Variants in DIP2B observed in about 807,000 individuals in gnomAD.
DIP2B encodes DIP2 acetate--CoA ligase B (putative).
Under a neutral mutation model 198.0 loss-of-function variants are expected in DIP2B, and 76 were observed. The observed-to-expected ratio is 0.38, with a 90% confidence interval of 0.32 to 0.46. DIP2B has a LOEUF of 0.46. DIP2B is among the 20% of genes least tolerant of loss of function. The pLI, the probability that DIP2B is intolerant of heterozygous loss-of-function variation, is 0.99. For synonymous variants in DIP2B, 701 were observed against 739.1 expected (o/e 0.95, Z 0.84); for missense variants, 1,559 against 1,978.4 (o/e 0.79, Z 4.02).
At chr12:50,609,778 T>C (rs1459939696) in intron 1 of DIP2B, among the ~76,000 whole-genome samples, 1 of 152,204 alleles carries the variant, frequency 6.6e-6, no homozygotes, top group Non-Finnish European at 1.5e-5. Flanking sequence ...GGACCACTTA[T>C]CTCTCTTCAA....
chr12:50,745,540 C>T lies in DIP2B; in HGVS notation c.*701C>T, dbSNP rs1940330035. Reference sequence around the variant, plus strand: ...TAATTGATTAGGTAACTAAAAAGCGCAAATTGTTGGCAGGTTTTGCTGCAC... The same window carrying T: ...TAATTGATTAGGTAACTAAAAAGCGTAAATTGTTGGCAGGTTTTGCTGCAC... On this transcript the variant is annotated 3_prime_UTR_variant, in exon 38 of 38. Coordinates refer to ENST00000301180, the MANE Select transcript of DIP2B (RefSeq NM_173602.3). 6.6e-6 allele frequency: 1 copy of T among 152,364 alleles called. No individual in the cohort carries two copies. The highest frequency in any genetic ancestry group is 2.4e-5 in the African/African-American group (1 of 41,428). The allele number at this position is 152,364 out of a possible 1,614,324, so 9.4% of individuals were successfully genotyped here.
rs557166414 is a variant in DIP2B at position 50,566,903 on chromosome 12, C to T, written c.101-59073C>T. 1.7e-3 allele frequency among the ~76,000 whole-genome samples: 240 copies of T among 141,324 alleles called. 1 individual carries two copies. The highest frequency in any genetic ancestry group is 5.8e-3 in the African/African-American group (222 of 38,300). The allele number at this position is 141,324 out of a possible 152,430, so 92.7% of individuals were successfully genotyped here. Reference sequence around the variant, plus strand: ...AGGAGAATGGTGTGAACCCCGGAGGCGGAGCTTGCAGTGAGCCGAGATCGC... The same window carrying T: ...AGGAGAATGGTGTGAACCCCGGAGGTGGAGCTTGCAGTGAGCCGAGATCGC... On this transcript the variant is annotated intron_variant, in intron 1 of 37. Transcript: ENST00000301180.
chr12:50,583,937 C>G (rs897052134), intron 1 of DIP2B, among the ~76,000 whole-genome samples: 4 of 152,210 alleles, frequency 2.6e-5, no homozygotes, highest in African/African-American at 9.6e-5. Flanking sequence ...CTGAAACCAT[C>G]CTTGTTGGAA....
At chr12:50,529,436 G>A (rs930449397) in intron 1 of DIP2B, among the ~76,000 whole-genome samples, 2 of 152,222 alleles carry the variant, frequency 1.3e-5, no homozygotes, top group Non-Finnish European at 2.9e-5. Flanking sequence ...ATGGACCAAA[G>A]GAGTTTGGTG....
intron 23 of DIP2B, among the ~76,000 whole-genome samples, chr12:50,714,972 G>C (rs997476177): frequency 6.6e-6 from 1 of 152,190 alleles, no homozygotes; most frequent in Non-Finnish European, 1.5e-5. Flanking sequence ...GGTGTGTTAA[G>C]GCAGCCCGGA....
chr12:50,655,471 T>C (rs928951834), intron 3 of DIP2B, among the ~76,000 whole-genome samples: 9 of 152,218 alleles, frequency 5.9e-5, no homozygotes, highest in Non-Finnish European at 1.2e-4. Context: ...TAACTTTTAA[T>C]CAGCAAGATT....
At chr12:50,675,244 A>G in intron 6 of DIP2B, 85 bp from the exon 7 acceptor site, 1 of 1,516,850 alleles carries the variant, frequency 6.6e-7, no homozygotes, top group Non-Finnish European at 8.9e-7. Context: ...AAACATCCTT[A>G]GAAATAAAAG....
At chr12:50,632,528 T>C (rs2139478122) in intron 2 of DIP2B, among the ~76,000 whole-genome samples, 1 of 149,570 alleles carries the variant, frequency 6.7e-6, no homozygotes, top group Non-Finnish European at 1.5e-5. Context: ...TTTTTATTTA[T>C]TTTTTATTAT....
intron 3 of DIP2B, among the ~76,000 whole-genome samples, chr12:50,657,502 T>G (rs1462508554): frequency 6.6e-6 from 1 of 152,044 alleles, no homozygotes; most frequent in Non-Finnish European, 1.5e-5. Context: ...AAGACATTAT[T>G]TCTGGCTGGG....
In DIP2B at chr12:50,745,745, A is replaced by G. The variant is rs1940332891; in HGVS notation, c.*906A>G. On this transcript the variant is annotated 3_prime_UTR_variant, in exon 38 of 38. Transcript: ENST00000301180. ...ACAAAGCTAAGATTCATCAGAGCCC[A>G]CCCTATTCTAAGGAACCACAATAAC... 6.6e-6 allele frequency: 1 copy of G among 152,616 alleles called. No homozygotes were observed. Among genetic ancestry groups the G allele is most frequent in the African/African-American group, 2.4e-5 (1 of 41,478 alleles). The allele number at this position is 152,616 out of a possible 1,614,324, so 9.5% of individuals were successfully genotyped here.
intron 1 of DIP2B, among the ~76,000 whole-genome samples, chr12:50,532,527 C>T (rs564997790): frequency 6.6e-6 from 1 of 151,920 alleles, no homozygotes; most frequent in Non-Finnish European, 1.5e-5. Context: ...AAACAAAAAA[C>T]AAATAAAAAT....
intron 13 of DIP2B, 30 bp downstream of exon 13, chr12:50,691,181 T>G: frequency 1.3e-6 from 2 of 1,587,694 alleles, no homozygotes; most frequent in Non-Finnish European, 1.7e-6. Flanking sequence ...CTGCCCTCAT[T>G]GTTACCTTCA....
At chr12:50,716,957 G>GTTTTTTTTTTTTTTTTTTTTTT (rs1592140618) in intron 23 of DIP2B, among the ~76,000 whole-genome samples, 1 of 7,792 alleles carries the variant, frequency 1.3e-4, no homozygotes, top group Non-Finnish European at 4.5e-4. Context: ...ACGAATTGTT[G>GTTTTTTTTTTTTTTTTTTTTTT]CTTTTTTTTT....
At chr12:50,537,329 T>C (rs1038767965) in intron 1 of DIP2B, among the ~76,000 whole-genome samples, 1 of 151,984 alleles carries the variant, frequency 6.6e-6, no homozygotes, top group Non-Finnish European at 1.5e-5. Context: ...GTCTTATTCA[T>C]TTTTACCTTA....
intron 9 of DIP2B, 36 bp from the exon 10 acceptor site, chr12:50,683,102 T>C (rs1263409739): frequency 1.3e-6 from 2 of 1,514,940 alleles, no homozygotes; most frequent in Non-Finnish European, 1.8e-6. Context: ...TATGTTTTTA[T>C]TCCTCTGTTA....
Position 50,744,749 on chromosome 12 carries a change from C to G in DIP2B, c.4641C>G (p.Ile1547Met), listed in dbSNP as rs769956071. The G allele has an allele frequency of 6.2e-7, 1 of 1,614,142 alleles. No homozygotes were observed. Among genetic ancestry groups the G allele is most frequent in the South Asian group, 1.1e-5 (1 of 91,078 alleles). The change falls in exon 38 of 38, where the codon ATC (isoleucine) becomes ATG (methionine). Residue 1547 changes from isoleucine to methionine, a missense_variant. By Grantham distance (10) the Ile-to-Met change is conservative. Transcript: ENST00000301180. ...TGGTGGACCCAGGTGTCATCCCGAT[C>G]AACTCCAGAGGAGAGAAGCAGAGGA... ...VVVVDPGVIPINSRGEKQRMH... is the reference protein window; with the variant it reads ...VVVVDPGVIPMNSRGEKQRMH...
At chr12:50,584,101 A>G (rs182693926) in intron 1 of DIP2B, among the ~76,000 whole-genome samples, 2 of 152,090 alleles carry the variant, frequency 1.3e-5, no homozygotes, top group South Asian at 2.1e-4. Context: ...ACTCTCTCCC[A>G]TGTGATTTCA....
chr12:50,505,203 G>C lies in DIP2B; in HGVS notation c.63G>C (p.Arg21=). The C allele has an allele frequency of 6.6e-7, 1 of 1,523,398 alleles. No homozygotes were observed. The highest frequency in any genetic ancestry group is 8.8e-7 in the Non-Finnish European group (1 of 1,141,068). 94.4% of individuals were successfully genotyped at this position (1,523,398 alleles called of 1,614,324 possible). A position where few individuals can be genotyped will look rare whatever the true frequency, so the allele number is the denominator to read the frequency against. The part of the protein sequence containing the change: ...AAVAALPPEV[R]AQLAELELEL... ...TGGCGGCGCTGCCGCCTGAAGTGCGGGCGCAGCTGGCGGAGCTGGAGCTGG... is the reference window on the plus strand; with the variant it reads ...TGGCGGCGCTGCCGCCTGAAGTGCGCGCGCAGCTGGCGGAGCTGGAGCTGG... The change falls in exon 1 of 38, where the codon CGG becomes CGC. Residue 21 remains arginine, a synonymous_variant. Coordinates refer to ENST00000301180, the MANE Select transcript of DIP2B (RefSeq NM_173602.3).
intron 1 of DIP2B, among the ~76,000 whole-genome samples, chr12:50,577,984 C>T (rs1186315126): frequency 6.6e-6 from 1 of 152,192 alleles, no homozygotes; most frequent in Non-Finnish European, 1.5e-5. Context: ...ACTTTTCATA[C>T]TGTGTTACAT....
Sources: allele counts gnomAD v4.1 joint callset (sites outside exome capture counted in the v4.1 genomes callset), GRCh38; gene constraint gnomAD v4.1.1; transcripts MANE v1.5; gene names NCBI Gene and HGNC (gene_info 2026-07-23, HGNC 2026-07-21).